The following ZNF428 variants were observed in gnomAD, a reference collection of about 807,000 sequenced individuals.
The protein encoded by ZNF428 is enzyme-like protein PIT13.
ZNF428 carries 5 observed loss-of-function variants against 15.6 expected under a neutral mutation model. The observed-to-expected ratio is 0.32, with a 90% CI of 0.17 to 0.67. The LOEUF is 0.67. Among genes scored for constraint, ZNF428 ranks in the 30% least tolerant of loss-of-function variants. ZNF428 has a pLI of 0.73. For synonymous variants in ZNF428, 97 were observed against 102.2 expected, an observed-to-expected ratio of 0.95 and a Z score of 0.31; for missense variants, 237 against 256.0, an observed-to-expected ratio of 0.93 and a Z score of 0.51.
Position 43,607,490 on chromosome 19 carries a change from ATCTACT to A in ZNF428, c.*121_*126del, listed in dbSNP as rs1251532822. On this transcript the variant is annotated 3_prime_UTR_variant, in exon 3 of 3. Coordinates refer to ENST00000300811, the MANE Select transcript of ZNF428 (RefSeq NM_182498.4). The surrounding 1 kb of genome is among the most constrained non-coding windows in gnomAD (Gnocchi z 5.1). ...TTGGCTTTTATTCTGGCCATCACACATCTACTTCTAAGACAACACAGACCGGCAGTA... is the reference window on the plus strand; with the variant it reads ...TTGGCTTTTATTCTGGCCATCACACATCTAAGACAACACAGACCGGCAGTA... The A allele has an allele frequency of 1.0e-4, 129 of 1,238,436 alleles. No homozygotes were observed. Among genetic ancestry groups the A allele is most frequent in the Admixed American group, 4.9e-4 (17 of 34,738 alleles). 76.7% of individuals were successfully genotyped at this position (1,238,436 alleles called of 1,614,324 possible).
At chr19:43,614,567 A>T in intron 1 of ZNF428, 133 bp from the exon 2 acceptor site, 1 of 764,742 alleles carries the variant, frequency 1.3e-6, no homozygotes, top group Non-Finnish European at 1.9e-6. Flanking sequence ...CTGACTGTCT[A>T]CAGGGTCTTG....
At position 43,607,964 on chromosome 19, in the gene ZNF428, C is replaced by T. The variant is rs113686511; in HGVS notation, c.220G>A (p.Gly74Ser). The T allele has an allele frequency of 2.5e-5, 40 of 1,600,042 alleles. No homozygotes were observed. In the African/African-American group the frequency reaches 2.5e-4, roughly 10 times the overall value. Reference protein sequence around the residue: ...GYKVKQRLGGGRGGPSRRAPR... With the variant: ...GYKVKQRLGGSRGGPSRRAPR... ...GCCCGGCGGGATGGGCCACCACGGC[C>T]CCCGCCAAGGCGCTGCTTCACCTTG... The change falls in exon 3 of 3, where the codon GGC becomes AGC. Residue 74 changes from glycine to serine, a missense_variant. Coordinates refer to ENST00000300811, the MANE Select transcript of ZNF428 (RefSeq NM_182498.4). This position sits in a 1 kb window ranked among gnomAD's most constrained non-coding sequence, Gnocchi z 5.1.
rs559717602 is a variant in ZNF428, at chr19:43,612,187, C to T, written c.76+2042G>A. ...TGGCACCCAGTGGATCCTCCATGCC[C>T]ACTGCGGATCCCAAGCCTCCTGCCT... On this transcript the variant is annotated intron_variant, in intron 2 of 2. Transcript: ENST00000300811. The surrounding 1 kb of genome is among the most constrained non-coding windows in gnomAD (Gnocchi z 4.2). 132 of 1,551,602 alleles carry T rather than the reference C, an allele frequency of 8.5e-5. No individual in the cohort carries two copies. The highest frequency in any genetic ancestry group is 1.2e-4 in the Non-Finnish European group (132 of 1,147,006).
intron 2 of ZNF428, chr19:43,613,237 C>CAAAG: frequency 6.4e-7 from 1 of 1,551,628 alleles, no homozygotes; most frequent in East Asian, 2.4e-5. Flanking sequence ...GAAGCTCCAG[C>CAAAG]AAAGAGAGAG....
chr19:43,614,382 C>T lies in ZNF428; in HGVS notation c.-78G>A. On this transcript the variant is annotated 5_prime_UTR_variant, in exon 2 of 3. It adds an upstream start codon to the 5' untranslated region. Coordinates refer to ENST00000300811, the MANE Select transcript of ZNF428 (RefSeq NM_182498.4). ...CTCCCCGGCCAGCTCTCCACAGCCA[C>T]ACCTCCGGCCACAAGTTCTCTAATA... 4 of 1,511,964 alleles carry T rather than the reference C, an allele frequency of 2.6e-6. No homozygotes were observed. Among genetic ancestry groups the T allele is most frequent in the South Asian group, 1.3e-5 (1 of 74,294 alleles). 93.7% of individuals were successfully genotyped at this position (1,511,964 alleles called of 1,614,324 possible).
Position 43,612,638 on chromosome 19 carries a change from T to TA in ZNF428, c.76+1590dup. ...GCAAAAAGGGAGCCGGGGAAAGAGT[T>TA]ACGGCCGGCCTAGAACCAGCAACAG... On this transcript the variant is annotated intron_variant, in intron 2 of 2. Coordinates refer to ENST00000300811, the MANE Select transcript of ZNF428 (RefSeq NM_182498.4). This position sits in a 1 kb window ranked among gnomAD's most constrained non-coding sequence, Gnocchi z 4.2. 6.4e-7 allele frequency: 1 copy of TA among 1,551,296 alleles called. No homozygotes were observed. The highest frequency in any genetic ancestry group is 8.7e-7 in the Non-Finnish European group (1 of 1,146,908).
intron 2 of ZNF428, 135 bp downstream of exon 2, chr19:43,614,094 G>C: frequency 6.4e-7 from 1 of 1,574,650 alleles, no homozygotes; most frequent in Non-Finnish European, 8.6e-7. Context: ...TCCCCTACTA[G>C]GACAAGCAGT....
chr19:43,613,509 G>C, intron 2 of ZNF428: 1 of 1,550,514 alleles, frequency 6.4e-7, no homozygotes, highest in Non-Finnish European at 8.7e-7. Flanking sequence ...GATCATAGCC[G>C]ATCTAGAAGT....
At chr19:43,611,446 A>G (rs1973296326) in intron 2 of ZNF428, among the ~76,000 whole-genome samples, 1 of 151,946 alleles carries the variant, frequency 6.6e-6, no homozygotes, top group South Asian at 2.1e-4. Flanking sequence ...CAGCCTCCCA[A>G]GTAGCTGGGA....
rs767684684 is a variant in ZNF428, at chr19:43,607,934, G to T, written c.250C>A (p.Arg84Ser). ...GRGGPSRRAP[R>S]AAQPPAQPCQ... ...GGCTGGGCCGGGGGCTGGGCTGCAC[G>T]GGGGGCCCGGCGGGATGGGCCACCA... The change falls in exon 3 of 3, where the codon CGT becomes AGT. Residue 84 changes from arginine to serine, a missense_variant. Coordinates refer to ENST00000300811, the MANE Select transcript of ZNF428 (RefSeq NM_182498.4). This position sits in a 1 kb window ranked among gnomAD's most constrained non-coding sequence, Gnocchi z 5.1. 28 of 1,578,758 alleles carry T rather than the reference G, an allele frequency of 1.8e-5. No individual in the cohort carries two copies. Among genetic ancestry groups the T allele is most frequent in the Non-Finnish European group, 2.4e-5 (28 of 1,162,392 alleles).
intron 2 of ZNF428, chr19:43,613,628 C>A (rs752453564): frequency 6.5e-7 from 1 of 1,548,638 alleles, no homozygotes; most frequent in Non-Finnish European, 8.7e-7. Context: ...ATCTAGAAGC[C>A]CCAGCAAGGA....
chr19:43,607,866 C>T lies in ZNF428; in HGVS notation c.318G>A (p.Pro106=), dbSNP rs536737949. 1.2e-4 allele frequency: 181 copies of T among 1,555,926 alleles called. No homozygotes were observed. The Admixed American group carries it at 2.5e-3, about 22-fold the overall frequency. The change falls in exon 3 of 3, where the codon CCG becomes CCA. Residue 106 remains proline (P), a synonymous_variant. Coordinates refer to ENST00000300811, the MANE Select transcript of ZNF428 (RefSeq NM_182498.4). The surrounding 1 kb of genome is among the most constrained non-coding windows in gnomAD (Gnocchi z 5.1). ...AGCAGAGCCGGCAGGGTGGGGTTCC[C>T]GGTGGGGCCTCCCCAAGGGGTGAGC... is the stretch of plus-strand genomic sequence containing the variant. ...CGRSPLGEAP[P]GTPPCRLCCP...
At position 43,614,349 on chromosome 19, in the gene ZNF428, CAGCG is replaced by C; in HGVS notation, c.-49_-46del. ...AGACAGGAGCAGAGCAGCAGCTGAG[CAGCG>C]TCCCTCCCCGGCCAGCTCTCCACAG... is the stretch of plus-strand genomic sequence containing the variant. On this transcript the variant is annotated 5_prime_UTR_variant, in exon 2 of 3. Coordinates refer to ENST00000300811, the MANE Select transcript of ZNF428 (RefSeq NM_182498.4). 6.4e-7 allele frequency: 1 copy of C among 1,552,620 alleles called. No homozygotes were observed. The highest frequency in any genetic ancestry group is 8.7e-7 in the Non-Finnish European group (1 of 1,152,046).
rs1568534515 is a variant in ZNF428, at chr19:43,612,338, GCC to G, written c.76+1889_76+1890del. On this transcript the variant is annotated intron_variant, in intron 2 of 2. Transcript: ENST00000300811. This position sits in a 1 kb window ranked among gnomAD's most constrained non-coding sequence, Gnocchi z 4.2. Reference sequence around the variant, plus strand: ...CACCAAATCGACCAGTACAAAAAGAGCCCCTTCTAACCGGCCCAGCAGCAGGT... The same window carrying G: ...CACCAAATCGACCAGTACAAAAAGAGCCTTCTAACCGGCCCAGCAGCAGGT... The G allele has an allele frequency of 1.3e-6, 2 of 1,551,646 alleles. No homozygotes were observed. The highest frequency in any genetic ancestry group is 4.9e-5 in the East Asian group (2 of 40,920).
chr19:43,607,416 TACAC>T lies in ZNF428; in HGVS notation c.*197_*200del, dbSNP rs35296355. The T allele has an allele frequency of 0.023, 11,203 of 490,786 alleles. 1 individual carries two copies. Among genetic ancestry groups the T allele is most frequent in the South Asian group, 0.037 (1,109 of 29,922 alleles). The allele number at this position is 490,786 out of a possible 1,614,324, so 30.4% of individuals were successfully genotyped here. On this transcript the variant is annotated 3_prime_UTR_variant, in exon 3 of 3. Coordinates refer to ENST00000300811, the MANE Select transcript of ZNF428 (RefSeq NM_182498.4). This position sits in a 1 kb window ranked among gnomAD's most constrained non-coding sequence, Gnocchi z 5.1. ...ACACAAACACACACACGGGCGGGAATACACACACACACACACACACTCTGAACCA... is the reference window on the plus strand; with the variant it reads ...ACACAAACACACACACGGGCGGGAATACACACACACACACACTCTGAACCA...
intron 2 of ZNF428, 57 bp from the exon 3 acceptor site, chr19:43,608,164 A>C (rs553927570): frequency 3.2e-6 from 5 of 1,557,472 alleles, no homozygotes; most frequent in Non-Finnish European, 3.5e-6. Flanking sequence ...GGCTAGGCCA[A>C]GCTGTCCCCT....
chr19:43,608,381 AC>A (rs1207473271), intron 2 of ZNF428: 1 of 359,034 alleles, frequency 2.8e-6, no homozygotes, highest in Non-Finnish European at 5.0e-6. Flanking sequence ...TAATCCCAGC[AC>A]TTTTGGGTGG....
intron 2 of ZNF428, 57 bp from the exon 3 acceptor site, chr19:43,608,164 A>G: frequency 6.4e-7 from 1 of 1,557,472 alleles, no homozygotes. Flanking sequence ...GGCTAGGCCA[A>G]GCTGTCCCCT....
chr19:43,608,244 C>A, intron 2 of ZNF428, 137 bp from the exon 3 acceptor site: 1 of 1,151,584 alleles, frequency 8.7e-7, no homozygotes, highest in East Asian at 2.4e-5. Flanking sequence ...TTCCCTTCCC[C>A]ACAGATGAGT....
Sources: gnomAD v4.1 joint callset for allele counts (sites outside exome capture counted in the v4.1 genomes callset) on GRCh38, gnomAD v4.1.1 for gene constraint, Gnocchi (gnomAD v3.1) non-coding constraint, MANE v1.5 for transcripts, NCBI Gene and HGNC (gene_info 2026-07-23, HGNC 2026-07-21) for gene names.